Variants in COL20A1 observed in about 807,000 individuals in gnomAD.
The protein encoded by COL20A1 is collagen type XX alpha 1 chain, also known as collagen alpha-1(XX) chain.
In COL20A1, 164 loss-of-function variants were observed where a neutral mutation model predicts 152.9. That is an observed-to-expected ratio of 1.07 (90% confidence interval 0.94 to 1.22). COL20A1 has a LOEUF of 1.22. Ranked by LOEUF, COL20A1 falls within the 50% of genes most tolerant of loss-of-function variation. The pLI is 0.00. For synonymous variants in COL20A1, 864 were observed against 756.0 expected (o/e 1.14, Z -2.34); for missense variants, 1,873 against 1,744.8 (o/e 1.07, Z -1.31).
In COL20A1 at chr20:63,314,127, CG is replaced by C; in HGVS notation, c.2415del (p.Lys806SerfsTer40). 5.0e-6 allele frequency: 8 copies of C among 1,611,648 alleles called. No homozygotes were observed. The highest frequency in any genetic ancestry group is 6.8e-6 in the Non-Finnish European group (8 of 1,179,292). On this transcript the variant is annotated frameshift_variant, in exon 19 of 36. Transcript: ENST00000358894. LOFTEE classifies it high-confidence loss of function. ...HVTLPDLQAA[T>X]KYRVLVSAIY... ...ACACTGCCCGACCTGCAGGCAGCCA[CG>C]AAGTACAGGGTCCTGGTCTCAGCTA...
rs1011660225 is a variant in COL20A1 at position 63,305,933 on chromosome 20, C to T, written c.390C>T (p.Gly130=). ...ACAGGAGCAGCCAGAGGCCCCTCGG[C>T]TCTGGAGCCCCGGAGCCCACCCCCT... ...SLDRSSQRPL[G]SGAPEPTPSH... Residue 130 remains glycine (G), a synonymous_variant, in exon 5 of 36, where the codon GGC becomes GGT. Coordinates refer to ENST00000358894, the MANE Select transcript of COL20A1 (RefSeq NM_020882.4). The surrounding 1 kb of genome is among the most constrained non-coding windows in gnomAD (Gnocchi z 4.9). The T allele has an allele frequency of 1.6e-5, 26 of 1,612,732 alleles. No individual in the cohort carries two copies. In the African/African-American group the frequency reaches 3.2e-4, roughly 20 times the overall value.
At chr20:63,314,475 G>T (rs970965575) in intron 19 of COL20A1, among the ~76,000 whole-genome samples, 1 of 152,142 alleles carries the variant, frequency 6.6e-6, no homozygotes, top group Non-Finnish European at 1.5e-5. Flanking sequence ...TTTGTCTCTT[G>T]CTGGTTTTCC....
Position 63,329,662 on chromosome 20 carries a change from G to T in COL20A1, c.*3+1G>T. On this transcript the variant is annotated splice_donor_variant, in intron 35 of 35. Transcript: ENST00000358894. LOFTEE classifies it low-confidence loss of function (3UTR_SPLICE). ...CACCCAGGGCCTCTGGGAGTGACAG[G>T]TGAGCCCCTGCTGCCTGCATCTATC... The T allele has an allele frequency of 1.9e-6, 3 of 1,577,702 alleles. No homozygotes were observed. Among genetic ancestry groups the T allele is most frequent in the Non-Finnish European group, 2.6e-6 (3 of 1,166,764 alleles).
chr20:63,297,224 C>T (rs1274405767), intron 2 of COL20A1, among the ~76,000 whole-genome samples: 1 of 152,196 alleles, frequency 6.6e-6, no homozygotes, highest in Non-Finnish European at 1.5e-5. Context: ...GCCACTTGTC[C>T]TGGGGACCCA....
At position 63,328,495 on chromosome 20, in the gene COL20A1, AGAGGTACTGG is replaced by A. The variant is rs755702688; in HGVS notation, c.3780_3781+8del. ...GCGTGGTGGCCGCCACCTTGAGGGC[AGAGGTACTGG>A]GCTCCTGGCTCTTGGGGAGGGAGTT... On this transcript the variant is annotated splice_donor_variant and splice_donor_5th_base_variant and coding_sequence_variant and intron_variant, in exon 34 of 36. Coordinates refer to ENST00000358894, the MANE Select transcript of COL20A1 (RefSeq NM_020882.4). LOFTEE classifies it high-confidence loss of function. The A allele has an allele frequency of 1.9e-6, 3 of 1,610,512 alleles. No homozygotes were observed. The highest frequency in any genetic ancestry group is 2.5e-6 in the Non-Finnish European group (3 of 1,178,562).
intron 15 of COL20A1, 38 bp downstream of exon 15, chr20:63,312,587 G>T (rs1441293058): frequency 6.5e-7 from 1 of 1,538,974 alleles, no homozygotes; most frequent in Admixed American, 1.9e-5. Context: ...GTCCAGCAGG[G>T]TTTCTGTGTC....
intron 3 of COL20A1, among the ~76,000 whole-genome samples, chr20:63,301,134 G>A (rs961332984): frequency 2.0e-5 from 3 of 152,176 alleles, no homozygotes; most frequent in African/African-American, 7.2e-5. Context: ...GTCCAACATG[G>A]CAAAACCCCG....
chr20:63,304,811 G>C (rs1056278463), intron 3 of COL20A1, among the ~76,000 whole-genome samples: 2 of 152,110 alleles, frequency 1.3e-5, no homozygotes, highest in African/African-American at 4.8e-5. Flanking sequence ...GAATCACCCA[G>C]TGCTCACAGT....
chr20:63,306,494 G>C lies in COL20A1; in HGVS notation c.496+455G>C, dbSNP rs1287996059. Among the ~76,000 whole-genome samples, 1 of 152,258 alleles carries C rather than the reference G, an allele frequency of 6.6e-6. No homozygotes were observed. Among genetic ancestry groups the C allele is most frequent in the Non-Finnish European group, 1.5e-5 (1 of 68,046 alleles). ...GACCCCTTTGGGAACCTCCAGCCTG[G>C]GTCTAGGGGGTGGTGAGAGGGGTGG... On this transcript the variant is annotated intron_variant, in intron 5 of 35. Coordinates refer to ENST00000358894, the MANE Select transcript of COL20A1 (RefSeq NM_020882.4). This position sits in a 1 kb window ranked among gnomAD's most constrained non-coding sequence, Gnocchi z 6.9.
rs373007234 is a variant in COL20A1, at chr20:63,316,793, G to C, written c.2663+102G>C. 1.9e-5 allele frequency: 23 copies of C among 1,201,918 alleles called. No homozygotes were observed. In the East Asian group the frequency reaches 4.3e-4, roughly 22 times the overall value. The allele number at this position is 1,201,918 out of a possible 1,614,324, so 74.5% of individuals were successfully genotyped here. A position where few individuals can be genotyped will look rare whatever the true frequency, so the allele number is the denominator to read the frequency against. On this transcript the variant is annotated intron_variant, in intron 21 of 35. Transcript: ENST00000358894. Reference sequence around the variant, plus strand: ...GCGGGCATGGGCCGGAGACCTCCTGGAGGCTGTGGGACAGGGCAGCGCTGC... The same window carrying C: ...GCGGGCATGGGCCGGAGACCTCCTGCAGGCTGTGGGACAGGGCAGCGCTGC...
rs778276009 is a variant in COL20A1, at chr20:63,307,499, A to C, written c.506A>C (p.Gln169Pro). The C allele has an allele frequency of 1.2e-6, 2 of 1,611,406 alleles. No individual in the cohort carries two copies. Among genetic ancestry groups the C allele is most frequent in the South Asian group, 2.2e-5 (2 of 91,042 alleles). ...SQDPRTPAGP[Q>P]FRCLPPVPAD... ...GCTCCCACCGCCCCAGCCGGCCCCC[A>C]GTTCCGCTGCCTGCCCCCCGTGCCT... The change falls in exon 6 of 36, where the codon CAG (glutamine) becomes CCG (proline). Residue 169 changes from glutamine to proline, a missense_variant. By Grantham distance (76) the Gln-to-Pro change is moderately conservative. Coordinates refer to ENST00000358894, the MANE Select transcript of COL20A1 (RefSeq NM_020882.4).
intron 7 of COL20A1, 116 bp from the exon 8 acceptor site, chr20:63,308,426 C>T (rs1727006472): frequency 9.3e-7 from 1 of 1,075,156 alleles, no homozygotes; most frequent in Non-Finnish European, 1.3e-6. Context: ...GCTGCGGGGC[C>T]TCCTGATACC....
rs913854439 is a variant in COL20A1 at position 63,319,785 on chromosome 20, A to G, written c.2916+189A>G. 6.6e-6 allele frequency among the ~76,000 whole-genome samples: 1 copy of G among 152,062 alleles called. No homozygotes were observed. Among genetic ancestry groups the G allele is most frequent in the Non-Finnish European group, 1.5e-5 (1 of 67,986 alleles). ...CTTAATTGGAGTTGAAGAGCCTCCC[A>G]GCCCATCTCTTTGGGACCCACAGAC... On this transcript the variant is annotated intron_variant, in intron 23 of 35. Coordinates refer to ENST00000358894, the MANE Select transcript of COL20A1 (RefSeq NM_020882.4). The surrounding 1 kb of genome is among the most constrained non-coding windows in gnomAD (Gnocchi z 4.4).
intron 2 of COL20A1, among the ~76,000 whole-genome samples, chr20:63,296,469 G>A (rs1327247469): frequency 6.6e-6 from 1 of 152,238 alleles, no homozygotes; most frequent in Non-Finnish European, 1.5e-5. Context: ...AGCCCAGGAC[G>A]GGTGGGAGCC....
rs780793738 is a variant in COL20A1, at chr20:63,313,251, T to C, written c.2209+2T>C. On this transcript the variant is annotated splice_donor_variant, in intron 17 of 35. Coordinates refer to ENST00000358894, the MANE Select transcript of COL20A1 (RefSeq NM_020882.4). LOFTEE classifies it high-confidence loss of function. The surrounding 1 kb of genome is among the most constrained non-coding windows in gnomAD (Gnocchi z 5.9). ...CTGTGTCCCTCCGCTATACCCCCTGTAGGTGCCCCTCCACTTCCCCTCTGC... is the reference window on the plus strand; with the variant it reads ...CTGTGTCCCTCCGCTATACCCCCTGCAGGTGCCCCTCCACTTCCCCTCTGC... 1 of 1,605,782 alleles carries C rather than the reference T, an allele frequency of 6.2e-7. No individual in the cohort carries two copies. Among genetic ancestry groups the C allele is most frequent in the East Asian group, 2.2e-5 (1 of 44,690 alleles).
chr20:63,313,002 AG>A lies in COL20A1; in HGVS notation c.2076+71del. The A allele has an allele frequency of 2.0e-6, 3 of 1,532,138 alleles. No homozygotes were observed. The South Asian group carries it at 3.6e-5, about 18-fold the overall frequency. 94.9% of individuals were successfully genotyped at this position (1,532,138 alleles called of 1,614,324 possible). A position where few individuals can be genotyped will look rare whatever the true frequency, so the allele number is the denominator to read the frequency against. On this transcript the variant is annotated intron_variant, in intron 16 of 35. Coordinates refer to ENST00000358894, the MANE Select transcript of COL20A1 (RefSeq NM_020882.4). This position sits in a 1 kb window ranked among gnomAD's most constrained non-coding sequence, Gnocchi z 5.9. ...GCCCCTAGTCCTGAAGCCAAAGTCT[AG>A]GGCTCAGAGCCATATGTGCGCCCAC... is the stretch of plus-strand genomic sequence containing the variant.
chr20:63,323,186 C>T (rs2068192263), intron 27 of COL20A1, among the ~76,000 whole-genome samples: 1 of 152,236 alleles, frequency 6.6e-6, no homozygotes, highest in South Asian at 2.1e-4. Context: ...CTGGAGATGT[C>T]CTCTGACTTC....
chr20:63,319,614 G>A lies in COL20A1; in HGVS notation c.2916+18G>A, dbSNP rs201879701. ...TCCACAAGGTCCTGGTGCAGCTCGC[G>A]CCCCTCTCCCCCGTTCCCCCAGCTC... On this transcript the variant is annotated intron_variant, in intron 23 of 35. Transcript: ENST00000358894. The surrounding 1 kb of genome is among the most constrained non-coding windows in gnomAD (Gnocchi z 4.4). 3.5e-4 allele frequency: 534 copies of A among 1,527,706 alleles called. 3 individuals carry two copies. The East Asian group carries it at 9.3e-3, about 27-fold the overall frequency. 94.6% of individuals were successfully genotyped at this position (1,527,706 alleles called of 1,614,324 possible).
chr20:63,308,833 CA>C, intron 8 of COL20A1, 127 bp downstream of exon 8: 1 of 874,004 alleles, frequency 1.1e-6, no homozygotes, highest in Admixed American at 3.1e-5. Context: ...CACGGAGCTG[CA>C]CGCAGAGCCA....
Sources: allele counts gnomAD v4.1 joint callset (sites outside exome capture counted in the v4.1 genomes callset), GRCh38; gene constraint gnomAD v4.1.1; non-coding constraint Gnocchi (gnomAD v3.1); transcripts MANE v1.5; gene names NCBI Gene and HGNC (gene_info 2026-07-23, HGNC 2026-07-21).